TACC2: variants seen among roughly 807,000 people sequenced by gnomAD.
The protein encoded by TACC2 is transforming acidic coiled-coil-containing protein 2.
A neutral mutation model predicts 227.3 loss-of-function variants in TACC2; 137 were observed. That is an observed-to-expected ratio of 0.60 (90% CI 0.52 to 0.69). The LOEUF (loss-of-function observed/expected upper bound fraction) is 0.69, where lower values mean the gene tolerates loss of function less well. TACC2 is among the 30% of genes least tolerant of loss of function. TACC2 has a pLI of 0.00. For synonymous variants in TACC2, 1,523 were observed against 1,487.5 expected, an observed-to-expected ratio of 1.02 and a Z score of -0.55; for missense variants, 3,470 against 3,694.4, an observed-to-expected ratio of 0.94 and a Z score of 1.57.
chr10:122,253,900 G>C (rs1564914048), intron 22 of TACC2, 91 bp from the exon 23 acceptor site: 2 of 1,030,100 alleles, frequency 1.9e-6, no homozygotes, highest in Middle Eastern at 2.0e-4. Flanking sequence ...CAAGGGGCCT[G>C]GTGGTCCCCC....
intron 7 of TACC2, among the ~76,000 whole-genome samples, chr10:122,163,272 C>T (rs1229346539): frequency 6.6e-6 from 1 of 152,100 alleles, no homozygotes; most frequent in East Asian, 2.0e-4. Flanking sequence ...TAGTCCTGGG[C>T]CGGGAGAGAC....
chr10:122,224,923 A>G, intron 12 of TACC2, 136 bp downstream of exon 12: 1 of 720,360 alleles, frequency 1.4e-6, no homozygotes, highest in Non-Finnish European at 2.4e-6. Context: ...CCGGGTGCAC[A>G]GCAGTGATGG....
rs146269564 is a variant in TACC2, at chr10:122,006,405, C to T, written c.-45-15532C>T. On this transcript the variant is annotated intron_variant, in intron 1 of 22. Transcript: ENST00000369005. ...CAGAGCTTGCAGTGAGCCGAGATTG[C>T]GCCACTGCACTTCAGCCTGGGCTAC... Among the ~76,000 whole-genome samples, 436 of 151,936 alleles carry T rather than the reference C, an allele frequency of 2.9e-3. 5 individuals are homozygous for T. Among genetic ancestry groups the T allele is most frequent in the African/African-American group, 9.5e-3 (393 of 41,404 alleles).
intron 5 of TACC2, among the ~76,000 whole-genome samples, chr10:122,105,594 G>C (rs73370195): frequency 6.6e-6 from 1 of 150,898 alleles, no homozygotes; most frequent in African/African-American, 2.4e-5. Flanking sequence ...GCATGTGCCT[G>C]TCTTTCCACG....
chr10:122,012,418 C>CAAAA lies in TACC2; in HGVS notation c.-45-9501_-45-9498dup, dbSNP rs752342348. On this transcript the variant is annotated intron_variant, in intron 1 of 22. Coordinates refer to ENST00000369005, the MANE Select transcript of TACC2 (RefSeq NM_206862.4). ...CTGGTGCCAGAGCAAGACTCCGTCT[C>CAAAA]AAAAAAAAAAAAAAAAAAAAAGATG... is the stretch of plus-strand genomic sequence containing the variant. 2.0e-3 allele frequency among the ~76,000 whole-genome samples: 121 copies of CAAAA among 60,716 alleles called. 2 individuals are homozygous for CAAAA. In the East Asian group the frequency reaches 0.06, roughly 30 times the overall value. The allele number at this position is 60,716 out of a possible 152,430, so 39.8% of individuals were successfully genotyped here. A position where few individuals can be genotyped will look rare whatever the true frequency, so the allele number is the denominator to read the frequency against.
intron 1 of TACC2, among the ~76,000 whole-genome samples, chr10:122,008,676 G>A (rs1005195196): frequency 2.6e-5 from 4 of 152,028 alleles, no homozygotes; most frequent in East Asian, 1.9e-4. Flanking sequence ...GGGTTCATGC[G>A]ATTCTCCTGC....
Position 122,230,405 on chromosome 10 carries a change from A to T in TACC2, c.8092A>T (p.Ile2698Phe), listed in dbSNP as rs1232104837. ...AGAAGCCCTGAAGCTGGCCAGGCAG[A>T]TTGCTTTGGCTTCCCGCAGCCACCA... ...RIEALKLARQ[I>F]ALASRSHQDA... Residue 2698 changes from isoleucine (I) to phenylalanine (F), a missense_variant, in exon 16 of 23, where the codon ATT (isoleucine) becomes TTT (phenylalanine). Around this residue, in one of 10 missense-constraint regions of TACC2, gnomAD observed 345 missense variants for 354.4 expected, o/e 0.97. Transcript: ENST00000369005. 8 of 1,614,086 alleles carry T rather than the reference A, an allele frequency of 5.0e-6. No individual in the cohort carries two copies. Among genetic ancestry groups the T allele is most frequent in the Non-Finnish European group, 6.8e-6 (8 of 1,180,042 alleles).
intron 8 of TACC2, among the ~76,000 whole-genome samples, chr10:122,196,268 G>C (rs1375156061): frequency 6.6e-6 from 1 of 152,228 alleles, no homozygotes; most frequent in Non-Finnish European, 1.5e-5. Context: ...GTTTTGGAAA[G>C]GATGTACACT....
intron 5 of TACC2, among the ~76,000 whole-genome samples, chr10:122,124,618 C>T (rs772867124): frequency 3.3e-5 from 5 of 152,204 alleles, no homozygotes; most frequent in East Asian, 1.9e-4. Flanking sequence ...TGGCATATCA[C>T]GCTGTGTCCT....
intron 3 of TACC2, among the ~76,000 whole-genome samples, chr10:122,075,188 C>CAAAAA (rs74264562): frequency 2.8e-5 from 4 of 142,578 alleles, no homozygotes; most frequent in African/African-American, 7.9e-5. Flanking sequence ...ATCTTGCTGC[C>CAAAAA]AAAAAAAAAA....
intron 6 of TACC2, among the ~76,000 whole-genome samples, chr10:122,135,883 G>A (rs1443863227): frequency 6.6e-6 from 1 of 152,188 alleles, no homozygotes; most frequent in Non-Finnish European, 1.5e-5. Context: ...CAACTGTTGT[G>A]CTTTTCCTTG....
intron 2 of TACC2, among the ~76,000 whole-genome samples, chr10:122,030,658 T>C (rs1958826908): frequency 6.6e-6 from 1 of 151,386 alleles, no homozygotes; most frequent in African/African-American, 2.4e-5. Flanking sequence ...CTCTGCAAGT[T>C]TTCACTTCTC....
intron 5 of TACC2, among the ~76,000 whole-genome samples, chr10:122,101,888 T>A (rs935975817): frequency 5.3e-5 from 8 of 150,896 alleles, no homozygotes; most frequent in African/African-American, 1.5e-4. Context: ...ATCCTTTTTT[T>A]AAAAAAAAGA....
At position 122,087,941 on chromosome 10, in the gene TACC2, A is replaced by G; in HGVS notation, c.5441A>G (p.Glu1814Gly). 2 of 1,508,836 alleles carry G rather than the reference A, an allele frequency of 1.3e-6. No individual in the cohort carries two copies. Among genetic ancestry groups the G allele is most frequent in the South Asian group, 1.4e-5 (1 of 73,958 alleles). The allele number at this position is 1,508,836 out of a possible 1,614,324, so 93.5% of individuals were successfully genotyped here. ...HDPKLQHLAP[E>G]ELHTDRESPR... ...CCGAAGCTGCAACATTTGGCTCCAG[A>G]AGAGCTCCACACTGACAGGTACTTA... Residue 1814 changes from glutamate to glycine, a missense_variant, in exon 4 of 23, where the codon GAA (glutamate) becomes GGA (glycine). Physicochemically the swap from Glu to Gly is moderately conservative, Grantham distance 98. Transcript: ENST00000369005.
At chr10:122,118,135 C>A (rs895450437) in intron 5 of TACC2, among the ~76,000 whole-genome samples, 6 of 151,934 alleles carry the variant, frequency 3.9e-5, no homozygotes, top group African/African-American at 1.2e-4. Context: ...CTGCTTCAGC[C>A]TCCCAAGTAG....
At chr10:122,239,388 T>A (rs904983680) in intron 18 of TACC2, among the ~76,000 whole-genome samples, 1 of 152,218 alleles carries the variant, frequency 6.6e-6, no homozygotes, top group African/African-American at 2.4e-5. Flanking sequence ...GGTAATCATA[T>A]CCCGTTTTCT....
At chr10:121,989,992 C>T (rs913770308) in intron 1 of TACC2, among the ~76,000 whole-genome samples, 2 of 152,170 alleles carry the variant, frequency 1.3e-5, no homozygotes, top group Non-Finnish European at 2.9e-5. Context: ...GTCTGCATCT[C>T]CCGTCACTTA....
At chr10:122,212,341 G>A (rs1318789797) in intron 9 of TACC2, among the ~76,000 whole-genome samples, 1 of 152,128 alleles carries the variant, frequency 6.6e-6, no homozygotes, top group Admixed American at 6.5e-5. Context: ...GAACCTGAAA[G>A]TGGGGAGCAA....
At chr10:122,244,195 G>A (rs923911068) in intron 19 of TACC2, among the ~76,000 whole-genome samples, 1 of 152,162 alleles carries the variant, frequency 6.6e-6, no homozygotes, top group African/African-American at 2.4e-5. Context: ...GCTCCCTGAT[G>A]TGTTTGGCCT....
Sources: gnomAD v4.1 joint callset for allele counts (sites outside exome capture counted in the v4.1 genomes callset) on GRCh38, gnomAD v4.1.1 for gene constraint, gnomAD v4.1.1 regional missense constraint, MANE v1.5 for transcripts, NCBI Gene and HGNC (gene_info 2026-07-23, HGNC 2026-07-21) for gene names.